INSYN2B: variants seen among roughly 807,000 people sequenced by gnomAD.
INSYN2B encodes the protein inhibitory synaptic factor family member 2B.
In INSYN2B, 16 loss-of-function variants were observed where a neutral mutation model predicts 41.2. The observed-to-expected ratio is 0.39, with a 90% confidence interval of 0.26 to 0.59. The LOEUF is 0.59. Among genes scored for constraint, INSYN2B ranks in the 20% least tolerant of loss-of-function variants. INSYN2B has a pLI of 0.57. For synonymous variants in INSYN2B, 245 were observed against 244.4 expected (o/e 1.00, Z -0.02); for missense variants, 608 against 646.4 (o/e 0.94, Z 0.64).
intron 1 of INSYN2B, among the ~76,000 whole-genome samples, chr5:169,889,615 G>T (rs531829648): frequency 1.3e-5 from 2 of 152,110 alleles, no homozygotes; most frequent in Non-Finnish European, 2.9e-5. Flanking sequence ...TATCCTTTAC[G>T]CCAGGAGTCA....
intron 1 of INSYN2B, among the ~76,000 whole-genome samples, chr5:169,904,308 C>T (rs918324685): frequency 7.3e-6 from 1 of 137,480 alleles, no homozygotes; most frequent in Non-Finnish European, 1.6e-5. Context: ...GCTAGTTGTC[C>T]CTTCCTTTTT....
chr5:169,866,286 A>G (rs747568884), intron 3 of INSYN2B, among the ~76,000 whole-genome samples: 1 of 152,144 alleles, frequency 6.6e-6, no homozygotes, highest in African/African-American at 2.4e-5. Context: ...CCTATAGGCC[A>G]TCATTATATT....
intron 1 of INSYN2B, among the ~76,000 whole-genome samples, chr5:169,957,551 G>T (rs1241760453): frequency 2.6e-5 from 4 of 152,212 alleles, no homozygotes; most frequent in African/African-American, 9.6e-5. Flanking sequence ...CAGGTCACAG[G>T]TGGGACTGGG....
At chr5:169,887,841 C>T (rs1196632355) in intron 1 of INSYN2B, among the ~76,000 whole-genome samples, 1 of 152,180 alleles carries the variant, frequency 6.6e-6, no homozygotes, top group Non-Finnish European at 1.5e-5. Context: ...TAACGTGCAA[C>T]TCTGCCATTA....
intron 1 of INSYN2B, among the ~76,000 whole-genome samples, chr5:169,951,183 G>A (rs1776650122): frequency 6.6e-6 from 1 of 152,172 alleles, no homozygotes. Context: ...CAAGAGAAAA[G>A]GGGAATGGTT....
At chr5:169,940,541 T>C (rs1424092233) in intron 1 of INSYN2B, among the ~76,000 whole-genome samples, 1 of 152,198 alleles carries the variant, frequency 6.6e-6, no homozygotes, top group Admixed American at 6.5e-5. Flanking sequence ...GTAGAATCAA[T>C]GGGAACCCTG....
At chr5:169,957,464 A>G (rs996552999) in intron 1 of INSYN2B, among the ~76,000 whole-genome samples, 1 of 152,226 alleles carries the variant, frequency 6.6e-6, no homozygotes, top group African/African-American at 2.4e-5. Flanking sequence ...TCCTTTCCAC[A>G]GCCCTGTAAG....
At chr5:169,909,924 A>G (rs1383398028) in intron 1 of INSYN2B, among the ~76,000 whole-genome samples, 1 of 152,210 alleles carries the variant, frequency 6.6e-6, no homozygotes, top group East Asian at 1.9e-4. Flanking sequence ...TCTCAGTCCC[A>G]CAATTGACCC....
chr5:169,931,415 C>T (rs1775747915), intron 1 of INSYN2B, among the ~76,000 whole-genome samples: 2 of 152,230 alleles, frequency 1.3e-5, no homozygotes, highest in Admixed American at 1.3e-4. Context: ...CTCCCGTTCG[C>T]CTGAACCCTC....
intron 1 of INSYN2B, among the ~76,000 whole-genome samples, chr5:169,907,226 T>C (rs1449336567): frequency 6.6e-6 from 1 of 152,200 alleles, no homozygotes; most frequent in Non-Finnish European, 1.5e-5. Flanking sequence ...TGATTTTGCA[T>C]TTGGTTTGCG....
intron 1 of INSYN2B, among the ~76,000 whole-genome samples, chr5:169,972,583 AGATG>A (rs1370538641): frequency 1.6e-3 from 75 of 47,792 alleles, no homozygotes; most frequent in Middle Eastern, 0.019. Context: ...ATAGATAGAT[AGATG>A]ATAGATAGAT....
chr5:169,950,770 G>C (rs910792579), intron 1 of INSYN2B, among the ~76,000 whole-genome samples: 4 of 152,194 alleles, frequency 2.6e-5, no homozygotes, highest in Admixed American at 6.5e-5. Context: ...ATCAGGACCA[G>C]ATTCTGTCCC....
chr5:169,959,891 C>A (rs748584828), intron 1 of INSYN2B, among the ~76,000 whole-genome samples: 2 of 152,212 alleles, frequency 1.3e-5, no homozygotes, highest in Non-Finnish European at 2.9e-5. Flanking sequence ...AACAGAAGCA[C>A]TTCAGAGAGC....
intron 1 of INSYN2B, among the ~76,000 whole-genome samples, chr5:169,966,472 G>T (rs992374484): frequency 6.6e-6 from 1 of 152,136 alleles, no homozygotes; most frequent in Non-Finnish European, 1.5e-5. Context: ...TCCACTTAGG[G>T]AATGTAATCA....
intron 1 of INSYN2B, among the ~76,000 whole-genome samples, chr5:169,957,075 T>G (rs1470066541): frequency 6.6e-6 from 1 of 152,040 alleles, no homozygotes; most frequent in African/African-American, 2.4e-5. Flanking sequence ...CCATTTGACT[T>G]CCATTTACTC....
chr5:169,977,788 C>T (rs1023630543), intron 1 of INSYN2B, among the ~76,000 whole-genome samples: 1 of 152,224 alleles, frequency 6.6e-6, no homozygotes, highest in Non-Finnish European at 1.5e-5. Context: ...CTCCCAATTA[C>T]AATTCTGAAC....
intron 1 of INSYN2B, among the ~76,000 whole-genome samples, chr5:169,886,397 G>A (rs749085577): frequency 3.9e-5 from 6 of 152,198 alleles, no homozygotes; most frequent in Admixed American, 6.5e-5. Context: ...ATGACTTTGT[G>A]TAGGACTTTT....
intron 1 of INSYN2B, among the ~76,000 whole-genome samples, chr5:169,968,817 C>T (rs951016990): frequency 6.6e-6 from 1 of 152,148 alleles, no homozygotes; most frequent in African/African-American, 2.4e-5. Context: ...ATGGACTGCC[C>T]TGTTCTACCT....
intron 1 of INSYN2B, among the ~76,000 whole-genome samples, chr5:169,979,080 C>T (rs943730259): frequency 3.9e-5 from 6 of 152,066 alleles, no homozygotes; most frequent in Non-Finnish European, 7.4e-5. Flanking sequence ...GTAAATATGT[C>T]GATTACAGAA....
Sources: gnomAD v4.1 joint callset for allele counts (sites outside exome capture counted in the v4.1 genomes callset) on GRCh38, gnomAD v4.1.1 for gene constraint, MANE v1.5 for transcripts, NCBI Gene and HGNC (gene_info 2026-07-23, HGNC 2026-07-21) for gene names.